Variants in EIPR1 observed in about 807,000 individuals in gnomAD.
The protein encoded by EIPR1 is EARP and GARP complex-interacting protein 1.
EIPR1 carries 25 observed loss-of-function variants against 48.1 expected under a neutral mutation model. The ratio of observed to expected loss-of-function variants is 0.52; its 90% CI spans 0.38 to 0.73. The LOEUF (loss-of-function observed/expected upper bound fraction) is 0.73, where lower values mean the gene tolerates loss of function less well. Ranked by LOEUF, EIPR1 falls within the 30% of genes least tolerant of loss-of-function variation. EIPR1 has a pLI of 0.00. For synonymous variants in EIPR1, 204 were observed against 201.9 expected (o/e 1.01, Z -0.09); for missense variants, 415 against 506.2 (o/e 0.82, Z 1.73).
At chr2:3,284,509 C>T (rs1314239599) in intron 3 of EIPR1, among the ~76,000 whole-genome samples, 1 of 152,290 alleles carries the variant, frequency 6.6e-6, no homozygotes, top group African/African-American at 2.4e-5. Flanking sequence ...GGGTCTTGAG[C>T]AGTGTGCAGA....
chr2:3,277,701 T>A (rs563063292), intron 3 of EIPR1, among the ~76,000 whole-genome samples: 1 of 152,348 alleles, frequency 6.6e-6, no homozygotes, highest in Admixed American at 6.5e-5. Context: ...TGGGGGTCCC[T>A]GCCAGGCGCT....
At position 3,286,287 on chromosome 2, in the gene EIPR1, A is replaced by AC. The variant is rs1194985534; in HGVS notation, c.260-28833dup. Among the ~76,000 whole-genome samples, 2 of 152,332 alleles carry AC rather than the reference A, an allele frequency of 1.3e-5. No individual in the cohort carries two copies. The highest frequency in any genetic ancestry group is 4.8e-5 in the African/African-American group (2 of 41,574). ...CCAGGGTGATTCGACAACTGCCGTC[A>AC]CCGTGCCTGCCTGTGTATGACGTGT... On this transcript the variant is annotated intron_variant, in intron 3 of 8. Transcript: ENST00000382125. The surrounding 1 kb of genome is among the most constrained non-coding windows in gnomAD (Gnocchi z 4.2).
chr2:3,194,127 C>A lies in EIPR1; in HGVS notation c.693G>T (p.Val231=). The change falls in exon 7 of 9, where the codon GTG becomes GTT. Residue 231 remains valine, a synonymous_variant. Transcript: ENST00000382125. ...TATTGGGATTAAAGTCAAGGTCCCG[C>A]ACCAGCTGTCCGTGGGCATTCTCTA... ...YCIENAHGQL[V]RDLDFNPNKQ... 4.3e-6 allele frequency: 7 copies of A among 1,613,934 alleles called. No homozygotes were observed. Among genetic ancestry groups the A allele is most frequent in the Non-Finnish European group, 5.9e-6 (7 of 1,180,010 alleles).
At chr2:3,224,721 T>A (rs780981790) in intron 4 of EIPR1, among the ~76,000 whole-genome samples, 30 of 152,210 alleles carry the variant, frequency 2.0e-4, no homozygotes, top group Non-Finnish European at 3.4e-4. Context: ...CTAATTCAAA[T>A]GCAAGCTCCC....
chr2:3,193,569 AC>A (rs1366092464), intron 7 of EIPR1, among the ~76,000 whole-genome samples: 1 of 152,146 alleles, frequency 6.6e-6, no homozygotes, highest in Non-Finnish European at 1.5e-5. Context: ...AGAATGAGTG[AC>A]CTCAGAGATC....
At chr2:3,356,779 G>A (rs184579420) in intron 1 of EIPR1, among the ~76,000 whole-genome samples, 225 of 152,358 alleles carry the variant, frequency 1.5e-3, no homozygotes, top group Non-Finnish European at 2.9e-3. Flanking sequence ...GAATCAGAGA[G>A]GTGGTGAGGC....
At chr2:3,199,924 G>A (rs1425015838) in intron 5 of EIPR1, among the ~76,000 whole-genome samples, 1 of 116,574 alleles carries the variant, frequency 8.6e-6, no homozygotes, top group Non-Finnish European at 1.9e-5. Context: ...GGCACACATG[G>A]GGGGGTGTCC....
chr2:3,279,692 C>T (rs985166680), intron 3 of EIPR1, among the ~76,000 whole-genome samples: 5 of 152,244 alleles, frequency 3.3e-5, no homozygotes, highest in African/African-American at 4.8e-5. Flanking sequence ...AATGCCCAGG[C>T]ACGAGGGTCG....
At chr2:3,228,814 C>T (rs1462606639) in intron 4 of EIPR1, among the ~76,000 whole-genome samples, 2 of 152,160 alleles carry the variant, frequency 1.3e-5, no homozygotes, top group Admixed American at 6.5e-5. Flanking sequence ...TGCACTCACT[C>T]CATCCTGCCA....
intron 8 of EIPR1, among the ~76,000 whole-genome samples, chr2:3,190,705 G>A (rs1453287585): frequency 6.6e-6 from 1 of 152,192 alleles, no homozygotes; most frequent in Non-Finnish European, 1.5e-5. Flanking sequence ...CTGGCAGAGA[G>A]GACGGTAAAG....
At chr2:3,232,984 T>C (rs1666289403) in intron 4 of EIPR1, among the ~76,000 whole-genome samples, 1 of 152,236 alleles carries the variant, frequency 6.6e-6, no homozygotes, top group African/African-American at 2.4e-5. Flanking sequence ...TAAGCTGTAT[T>C]ACTTTACACT....
At chr2:3,249,582 T>C (rs1666943253) in intron 4 of EIPR1, among the ~76,000 whole-genome samples, 1 of 152,166 alleles carries the variant, frequency 6.6e-6, no homozygotes, top group South Asian at 2.1e-4. Flanking sequence ...AGGGGAAGAA[T>C]CCAAGAGGGC....
rs1659960815 is a variant in EIPR1 at position 3,377,804 on chromosome 2, A to T, written c.-115T>A. The T allele has an allele frequency of 8.3e-7, 1 of 1,211,074 alleles. No homozygotes were observed. Among genetic ancestry groups the T allele is most frequent in the African/African-American group, 1.5e-5 (1 of 66,170 alleles). 75.0% of individuals were successfully genotyped at this position (1,211,074 alleles called of 1,614,324 possible). A position where few individuals can be genotyped will look rare whatever the true frequency, so the allele number is the denominator to read the frequency against. On this transcript the variant is annotated 5_prime_UTR_variant, in exon 1 of 9. Transcript: ENST00000382125. Reference sequence around the variant, plus strand: ...CGCCCATTCATTCCCTCCCCGCAGCAAACGACTCCAAACTGGAAGTCTTTC... The same window carrying T: ...CGCCCATTCATTCCCTCCCCGCAGCTAACGACTCCAAACTGGAAGTCTTTC...
intron 3 of EIPR1, among the ~76,000 whole-genome samples, chr2:3,288,978 T>G (rs999120471): frequency 3.3e-5 from 5 of 152,218 alleles, no homozygotes; most frequent in Non-Finnish European, 7.3e-5. Context: ...AGCCTCCAAG[T>G]GCCTGCACGG....
chr2:3,199,490 G>C (rs1001245803), intron 5 of EIPR1, among the ~76,000 whole-genome samples: 1 of 152,256 alleles, frequency 6.6e-6, no homozygotes, highest in Non-Finnish European at 1.5e-5. Context: ...GGCTTCAGCA[G>C]GTCCCTCTGT....
At chr2:3,240,730 C>CAGATCCCTCCTAAAGCAAAGCCAGT (rs1666587611) in intron 4 of EIPR1, among the ~76,000 whole-genome samples, 2 of 146,884 alleles carry the variant, frequency 1.4e-5, no homozygotes, top group African/African-American at 5.1e-5. Context: ...GCAAAGCCAG[C>CAGATCCCTCCTAAAGCAAAGCCAGT]AGATCCCTCC....
chr2:3,192,740 C>T (rs952395659), intron 7 of EIPR1, among the ~76,000 whole-genome samples, 159 bp from the exon 8 acceptor site: 2 of 152,148 alleles, frequency 1.3e-5, no homozygotes, highest in Non-Finnish European at 2.9e-5. Flanking sequence ...GGCAGTTTTC[C>T]GCTGAGGTTG....
intron 3 of EIPR1, among the ~76,000 whole-genome samples, chr2:3,330,579 C>G (rs1669857004): frequency 6.7e-6 from 1 of 150,130 alleles, no homozygotes; most frequent in African/African-American, 2.5e-5. Context: ...ACTCACGAGA[C>G]AGTGTGAGCA....
intron 1 of EIPR1, among the ~76,000 whole-genome samples, chr2:3,356,624 T>C (rs1670735392): frequency 6.6e-6 from 1 of 152,208 alleles, no homozygotes; most frequent in South Asian, 2.1e-4. Context: ...AATGTGAACT[T>C]ACGCGGTAAA....
Sources: allele counts gnomAD v4.1 joint callset (sites outside exome capture counted in the v4.1 genomes callset), GRCh38; gene constraint gnomAD v4.1.1; non-coding constraint Gnocchi (gnomAD v3.1); transcripts MANE v1.5; gene names NCBI Gene and HGNC (gene_info 2026-07-23, HGNC 2026-07-21).